UNC5D: variants seen among roughly 807,000 people sequenced by gnomAD.
UNC5D encodes unc-5 netrin receptor D.
In UNC5D, 39 loss-of-function variants were observed where a neutral mutation model predicts 105.4. The observed-to-expected ratio is 0.37, with a 90% CI of 0.29 to 0.48. The LOEUF (loss-of-function observed/expected upper bound fraction) is 0.48. Ranked by LOEUF, UNC5D falls within the 20% of genes least tolerant of loss-of-function variation. The pLI is 0.98. For missense variants in UNC5D, 991 were observed against 1,202.4 expected (o/e 0.82, Z 2.60); for synonymous variants, 452 against 450.4 (o/e 1.00, Z -0.04).
chr8:35,286,812 G>A (rs910807556), intron 1 of UNC5D, among the ~76,000 whole-genome samples: 8 of 152,176 alleles, frequency 5.3e-5, no homozygotes, highest in Admixed American at 3.3e-4. Flanking sequence ...TCCACCTTGT[G>A]TGGCTGAGTA....
At chr8:35,743,939 C>T (rs1343496909) in intron 11 of UNC5D, among the ~76,000 whole-genome samples, 1 of 152,180 alleles carries the variant, frequency 6.6e-6, no homozygotes, top group East Asian at 1.9e-4. Context: ...TAGTACGTTA[C>T]ACACCTTATT....
intron 1 of UNC5D, among the ~76,000 whole-genome samples, chr8:35,241,252 G>A (rs376184374): frequency 3.9e-5 from 6 of 152,306 alleles, no homozygotes; most frequent in East Asian, 3.9e-4. Flanking sequence ...ACATTGCATC[G>A]TATGGCCTTA....
intron 14 of UNC5D, among the ~76,000 whole-genome samples, chr8:35,765,567 C>A (rs1299134922): frequency 6.6e-6 from 1 of 152,156 alleles, no homozygotes; most frequent in Admixed American, 6.5e-5. Flanking sequence ...ATCTAAAGTC[C>A]ATCCATCCCT....
At chr8:35,737,330 T>C (rs1829528600) in intron 11 of UNC5D, among the ~76,000 whole-genome samples, 1 of 146,138 alleles carries the variant, frequency 6.8e-6, no homozygotes, top group Non-Finnish European at 1.5e-5. Flanking sequence ...TTGAAGATAA[T>C]TCCCAGAATT....
At chr8:35,298,356 A>G (rs954256329) in intron 1 of UNC5D, among the ~76,000 whole-genome samples, 4 of 152,258 alleles carry the variant, frequency 2.6e-5, no homozygotes, top group Non-Finnish European at 4.4e-5. Context: ...GTGTTTTTAT[A>G]AACAACTGTG....
At chr8:35,661,600 T>C (rs905037922) in intron 4 of UNC5D, among the ~76,000 whole-genome samples, 3 of 152,198 alleles carry the variant, frequency 2.0e-5, no homozygotes, top group African/African-American at 4.8e-5. Context: ...TTGATCCTTA[T>C]GTCAGATTCT....
intron 1 of UNC5D, chr8:35,544,412 T>TA (rs374549800): frequency 9.4e-4 from 1,354 of 1,438,998 alleles, no homozygotes; most frequent in East Asian, 1.9e-3. Context: ...AGGGATTGTT[T>TA]AAAAAAAAAA....
chr8:35,372,630 G>T (rs1334489906), intron 1 of UNC5D, among the ~76,000 whole-genome samples: 2 of 150,558 alleles, frequency 1.3e-5, no homozygotes, highest in Admixed American at 6.6e-5. Flanking sequence ...AAGAGACAGG[G>T]TCTTGCTCTG....
intron 1 of UNC5D, among the ~76,000 whole-genome samples, chr8:35,537,054 C>T (rs1814899562): frequency 6.6e-6 from 1 of 152,016 alleles, no homozygotes; most frequent in African/African-American, 2.4e-5. Context: ...CATTTAAGAC[C>T]TTGATGATAA....
chr8:35,328,438 C>T (rs1222148758), intron 1 of UNC5D, among the ~76,000 whole-genome samples: 1 of 152,070 alleles, frequency 6.6e-6, no homozygotes, highest in Non-Finnish European at 1.5e-5. Flanking sequence ...TTTGAGAAGA[C>T]TTTGGACATT....
At chr8:35,501,503 T>C (rs979160118) in intron 1 of UNC5D, among the ~76,000 whole-genome samples, 1 of 152,200 alleles carries the variant, frequency 6.6e-6, no homozygotes, top group Admixed American at 6.5e-5. Context: ...GGGAAATGCC[T>C]CTCAAGTCAC....
intron 1 of UNC5D, among the ~76,000 whole-genome samples, chr8:35,360,267 C>T (rs1801789300): frequency 6.6e-6 from 1 of 152,140 alleles, no homozygotes; most frequent in Admixed American, 6.5e-5. Flanking sequence ...CTTTTACATA[C>T]AAATGTGAAT....
chr8:35,379,371 G>A (rs905593829), intron 1 of UNC5D, among the ~76,000 whole-genome samples: 2 of 152,164 alleles, frequency 1.3e-5, no homozygotes, highest in African/African-American at 2.4e-5. Context: ...AGTTGCCACA[G>A]CAGCTGCTCC....
intron 1 of UNC5D, among the ~76,000 whole-genome samples, chr8:35,489,336 C>T (rs758881967): frequency 3.9e-5 from 6 of 152,138 alleles, no homozygotes; most frequent in Non-Finnish European, 7.4e-5. Flanking sequence ...CCCTAACACC[C>T]GGCCACCCCC....
Position 35,794,407 on chromosome 8 carries a change from C to G in UNC5D, c.*3844C>G, listed in dbSNP as rs1803177254. The G allele has an allele frequency of 6.6e-6, 1 of 152,276 alleles. No individual in the cohort carries two copies. The highest frequency in any genetic ancestry group is 6.5e-5 in the Admixed American group (1 of 15,268). The allele number at this position is 152,276 out of a possible 1,614,324, so 9.4% of individuals were successfully genotyped here. On this transcript the variant is annotated 3_prime_UTR_variant, in exon 17 of 17. Coordinates refer to ENST00000404895, the MANE Select transcript of UNC5D (RefSeq NM_080872.4). ...ATTGCAGAGTTTGAATCCTCAGTAA[C>G]TCTCATTGACTGGATTAGAGGTGAT...
At chr8:35,327,379 C>T (rs149791594) in intron 1 of UNC5D, among the ~76,000 whole-genome samples, 436 of 152,282 alleles carry the variant, frequency 2.9e-3, no homozygotes, top group Non-Finnish European at 3.5e-3. Context: ...TGTTTGTTGA[C>T]CCATCTCATG....
intron 1 of UNC5D, among the ~76,000 whole-genome samples, chr8:35,535,206 C>A (rs1020457254): frequency 6.6e-6 from 1 of 152,138 alleles, no homozygotes; most frequent in African/African-American, 2.4e-5. Context: ...TAGCAATATG[C>A]ACGTGATTGT....
At chr8:35,379,970 T>C (rs1205490853) in intron 1 of UNC5D, among the ~76,000 whole-genome samples, 2 of 149,962 alleles carry the variant, frequency 1.3e-5, no homozygotes, top group Admixed American at 1.3e-4. Flanking sequence ...ACAACAGAAA[T>C]TTATCTCCCA....
chr8:35,648,678 C>CA (rs1251731084), intron 4 of UNC5D, among the ~76,000 whole-genome samples: 10,106 of 42,890 alleles, frequency 0.24, 1,825 homozygotes, highest in African/African-American at 0.5. Flanking sequence ...GAGTCCGTCT[C>CA]AAAAAAAAAA....
Sources: gnomAD v4.1 joint callset for allele counts (sites outside exome capture counted in the v4.1 genomes callset) on GRCh38, gnomAD v4.1.1 for gene constraint, MANE v1.5 for transcripts, NCBI Gene and HGNC (gene_info 2026-07-23, HGNC 2026-07-21) for gene names.